The following KCNQ1 variants were observed in gnomAD, a reference collection of about 807,000 sequenced individuals.
The protein encoded by KCNQ1 is potassium voltage-gated channel subfamily Q member 1, also known as potassium voltage-gated channel subfamily KQT member 1.
KCNQ1 carries 49 observed loss-of-function variants against 72.4 expected under a neutral mutation model. That is an observed-to-expected ratio of 0.68 (90% confidence interval 0.54 to 0.86). The LOEUF (loss-of-function observed/expected upper bound fraction) is 0.86. Ranked by LOEUF, KCNQ1 falls within the 40% of genes least tolerant of loss-of-function variation. The pLI is 0.00. For synonymous variants in KCNQ1, 450 were observed against 412.6 expected, an observed-to-expected ratio of 1.09 and a Z score of -1.10; for missense variants, 790 against 945.1, an observed-to-expected ratio of 0.84 and a Z score of 2.15.
intron 11 of KCNQ1, chr11:2,697,709 A>G (rs1850702635): frequency 2.5e-6 from 1 of 398,496 alleles, no homozygotes; most frequent in African/African-American, 2.1e-5. Flanking sequence ...TTGCATTCCT[A>G]AGAGCAATCC....
intron 15 of KCNQ1, among the ~76,000 whole-genome samples, chr11:2,805,610 G>A (rs1847355190): frequency 6.6e-6 from 1 of 152,216 alleles, no homozygotes; most frequent in African/African-American, 2.4e-5. Context: ...CCTTGGCAGA[G>A]TTGAGTCGTT....
chr11:2,840,930 G>A lies in KCNQ1; in HGVS notation c.1795-6837G>A, dbSNP rs553621810. Among the ~76,000 whole-genome samples the A allele has an allele frequency of 2.4e-4, 36 of 152,274 alleles. No homozygotes were observed. In the South Asian group the frequency reaches 6.6e-3, roughly 28 times the overall value. ...TACTAATTCAACAAACATTTGTGCA[G>A]CGCCAACTCTACCCTCCATGTATTT... On this transcript the variant is annotated intron_variant, in intron 15 of 15. Transcript: ENST00000155840.
Position 2,587,644 on chromosome 11 carries a change from G to A in KCNQ1, c.1203G>A (p.Arg401=). The A allele has an allele frequency of 6.2e-7, 1 of 1,613,958 alleles. No individual in the cohort carries two copies. Reference sequence around the variant, plus strand: ...AGATCTACATCCGGAAGGCCCCCCGGAGCCACACTCTGCTGTCACCCAGCC... The same window carrying A: ...AGATCTACATCCGGAAGGCCCCCCGAAGCCACACTCTGCTGTCACCCAGCC... ...TWKIYIRKAP[R]SHTLLSPSPK... is the part of the protein sequence containing the mutation. The change falls in exon 9 of 16, where the codon CGG becomes CGA. Residue 401 remains arginine, a synonymous_variant. Transcript: ENST00000155840.
rs1339987258 is a variant in KCNQ1 at position 2,756,480 on chromosome 11, A to G, written c.1515-12364A>G. On this transcript the variant is annotated intron_variant, in intron 11 of 15. Coordinates refer to ENST00000155840, the MANE Select transcript of KCNQ1 (RefSeq NM_000218.3). ...AAAACATGACTTTTGGGACACATATAGTTTCAATAATATTATATTAAAAAA... is the reference window on the plus strand; with the variant it reads ...AAAACATGACTTTTGGGACACATATGGTTTCAATAATATTATATTAAAAAA... 6.6e-5 allele frequency among the ~76,000 whole-genome samples: 10 copies of G among 151,606 alleles called. 1 individual carries two copies. Among genetic ancestry groups the G allele is most frequent in the Admixed American group, 6.6e-4 (10 of 15,228 alleles).
At chr11:2,795,014 G>A (rs1847102409) in intron 15 of KCNQ1, among the ~76,000 whole-genome samples, 1 of 152,198 alleles carries the variant, frequency 6.6e-6, no homozygotes, top group South Asian at 2.1e-4. Context: ...CAAGACCTGA[G>A]TTTGATGACT....
At chr11:2,740,785 A>C (rs1846038167) in intron 11 of KCNQ1, among the ~76,000 whole-genome samples, 1 of 152,140 alleles carries the variant, frequency 6.6e-6, no homozygotes, top group Non-Finnish European at 1.5e-5. Context: ...GGCTCATGGC[A>C]TCCTCACATC....
At chr11:2,696,174 A>G (rs1205788266) in intron 11 of KCNQ1, 1 of 398,528 alleles carries the variant, frequency 2.5e-6, no homozygotes, top group Non-Finnish European at 4.4e-6. Context: ...GATCCTGTTT[A>G]AGAACCCCAC....
chr11:2,733,246 GCT>G (rs1349858490), intron 11 of KCNQ1, among the ~76,000 whole-genome samples: 1 of 117,028 alleles, frequency 8.5e-6, no homozygotes, highest in Non-Finnish European at 1.7e-5. Context: ...CTTCCCTAGT[GCT>G]CCTTTGTGTG....
chr11:2,836,027 A>G (rs371550668), intron 15 of KCNQ1, among the ~76,000 whole-genome samples: 3 of 151,932 alleles, frequency 2.0e-5, no homozygotes, highest in African/African-American at 7.2e-5. Context: ...GGGGAAAGGG[A>G]CAGAGCTGCT....
chr11:2,616,293 G>C, intron 10 of KCNQ1: 2 of 396,136 alleles, frequency 5.0e-6, no homozygotes, highest in Non-Finnish European at 8.9e-6. Context: ...TTTTTTATTA[G>C]TCATTCTAGT....
chr11:2,569,775 TC>T (rs1176509413), intron 2 of KCNQ1, among the ~76,000 whole-genome samples: 1 of 152,142 alleles, frequency 6.6e-6, no homozygotes, highest in Non-Finnish European at 1.5e-5. Flanking sequence ...TGGCAATAAG[TC>T]CCCACCAAGC....
In KCNQ1 at chr11:2,583,519, G is replaced by T. The variant is rs1564824340; in HGVS notation, c.1006G>T (p.Ala336Ser). ...CATCGCCTCCTGCTTCTCTGTCTTTGCCATCTCCTTCTTTGCGCTCCCAGC... is the reference window on the plus strand; with the variant it reads ...CATCGCCTCCTGCTTCTCTGTCTTTTCCATCTCCTTCTTTGCGCTCCCAGC... ...KTIASCFSVF[A>S]ISFFALPAGI... is the part of the protein sequence containing the mutation. Residue 336 changes from alanine to serine, a missense_variant, in exon 7 of 16, where the codon GCC becomes TCC. Around this residue, in one of 5 missense-constraint regions of KCNQ1, gnomAD observed 133 missense variants for 219.5 expected, o/e 0.61. Coordinates refer to ENST00000155840, the MANE Select transcript of KCNQ1 (RefSeq NM_000218.3). 1 of 1,613,892 alleles carries T rather than the reference G, an allele frequency of 6.2e-7. No individual in the cohort carries two copies.
rs1000619098 is a variant in KCNQ1, at chr11:2,828,506, G to A, written c.1795-19261G>A. 6.6e-6 allele frequency among the ~76,000 whole-genome samples: 1 copy of A among 152,196 alleles called. No individual in the cohort carries two copies. Among genetic ancestry groups the A allele is most frequent in the African/African-American group, 2.4e-5 (1 of 41,436 alleles). On this transcript the variant is annotated intron_variant, in intron 15 of 15. Coordinates refer to ENST00000155840, the MANE Select transcript of KCNQ1 (RefSeq NM_000218.3). The surrounding 1 kb of genome is among the most constrained non-coding windows in gnomAD (Gnocchi z 5.3). The stretch of plus-strand genomic sequence containing the variant: ...ATGGAGACTGGCCTAGGAGACTGGA[G>A]AGGGTAGACACCAAGCCCTGCAGGA...
chr11:2,635,680 C>G (rs1849453211), intron 10 of KCNQ1: 1 of 152,074 alleles, frequency 6.6e-6, no homozygotes, highest in African/African-American at 2.4e-5. Context: ...TTTTTGGTTC[C>G]ATATGAACTT....
In KCNQ1 at chr11:2,816,738, C is replaced by G. The variant is rs1451719074; in HGVS notation, c.1795-31029C>G. Among the ~76,000 whole-genome samples, 2 of 152,110 alleles carry G rather than the reference C, an allele frequency of 1.3e-5. No homozygotes were observed. The highest frequency in any genetic ancestry group is 2.9e-5 in the Non-Finnish European group (2 of 67,980). Reference sequence around the variant, plus strand: ...TCAGGCCCACTGCCCTGGCTGGACTCCCTGCACTGAACGCTCCTCCCAGCT... The same window carrying G: ...TCAGGCCCACTGCCCTGGCTGGACTGCCTGCACTGAACGCTCCTCCCAGCT... On this transcript the variant is annotated intron_variant, in intron 15 of 15. Transcript: ENST00000155840. The surrounding 1 kb of genome is among the most constrained non-coding windows in gnomAD (Gnocchi z 6.8).
Position 2,744,015 on chromosome 11 carries a change from C to T in KCNQ1, c.1515-24829C>T, listed in dbSNP as rs1009571810. The stretch of plus-strand genomic sequence containing the variant: ...CTTGACTGCAGGTCTCTCGTGGGCT[C>T]TCAGCCCCAGGTGCCTGCCCTCACC... On this transcript the variant is annotated intron_variant, in intron 11 of 15. Transcript: ENST00000155840. Among the ~76,000 whole-genome samples, 267 of 152,348 alleles carry T rather than the reference C, an allele frequency of 1.8e-3. 1 individual carries two copies. The highest frequency in any genetic ancestry group is 2.1e-3 in the Non-Finnish European group (141 of 68,036).
chr11:2,490,570 T>A (rs1080017), intron 1 of KCNQ1, among the ~76,000 whole-genome samples: 4 of 152,208 alleles, frequency 2.6e-5, no homozygotes, highest in African/African-American at 9.6e-5. Flanking sequence ...TCAGGTGGCT[T>A]AGCATAGAGA....
chr11:2,456,408 T>C (rs1846191404), intron 1 of KCNQ1, among the ~76,000 whole-genome samples: 1 of 151,996 alleles, frequency 6.6e-6, no homozygotes, highest in Non-Finnish European at 1.5e-5. Context: ...AAATAATATA[T>C]AGCTAATAAG....
chr11:2,838,864 G>A (rs987832278), intron 15 of KCNQ1, among the ~76,000 whole-genome samples: 3 of 152,302 alleles, frequency 2.0e-5, no homozygotes, highest in African/African-American at 7.2e-5. Flanking sequence ...CAGCTCAGGA[G>A]GCAGCGGCAG....
Sources: allele counts gnomAD v4.1 joint callset (sites outside exome capture counted in the v4.1 genomes callset), GRCh38; gene constraint gnomAD v4.1.1; regional missense constraint gnomAD v4.1.1; non-coding constraint Gnocchi (gnomAD v3.1); transcripts MANE v1.5; gene names NCBI Gene and HGNC (gene_info 2026-07-23, HGNC 2026-07-21).